Variants in SEMA6A observed in about 807,000 individuals in gnomAD.
SEMA6A encodes semaphorin-6A.
SEMA6A carries 25 observed loss-of-function variants against 96.8 expected under a neutral mutation model. The ratio of observed to expected loss-of-function variants is 0.26; its 90% CI spans 0.19 to 0.36. The LOEUF is 0.36. Among genes scored for constraint, SEMA6A ranks in the 10% least tolerant of loss-of-function variants. The pLI, the probability that SEMA6A is intolerant of heterozygous loss-of-function variation, is 1.00. For missense variants in SEMA6A, 1,363 were observed against 1,323.1 expected, an observed-to-expected ratio of 1.03 and a Z score of -0.47; for synonymous variants, 612 against 518.0, an observed-to-expected ratio of 1.18 and a Z score of -2.46.
intron 18 of SEMA6A, among the ~76,000 whole-genome samples, chr5:116,452,630 C>T (rs1227900970): frequency 6.6e-6 from 1 of 152,090 alleles, no homozygotes; most frequent in Non-Finnish European, 1.5e-5. Context: ...CCTATGATGA[C>T]CATGTTAATA....
intron 12 of SEMA6A, 151 bp downstream of exon 12, chr5:116,479,971 A>T: frequency 1.2e-6 from 1 of 854,846 alleles, no homozygotes; most frequent in Non-Finnish European, 1.8e-6. Flanking sequence ...GTTTAGTGGT[A>T]TCCAACCAAT....
At chr5:116,471,174 T>A (rs1303418795) in intron 17 of SEMA6A, 1 of 152,152 alleles carries the variant, frequency 6.6e-6, no homozygotes, top group African/African-American at 2.4e-5. Flanking sequence ...GAAAGAAAAA[T>A]TCCACCTCTT....
chr5:116,482,406 C>A, intron 11 of SEMA6A, 38 bp downstream of exon 11: 1 of 1,597,434 alleles, frequency 6.3e-7, no homozygotes, highest in African/African-American at 1.3e-5. Context: ...TTTGCCATTT[C>A]TAAAGTTTAA....
chr5:116,497,217 T>C (rs1757645829), intron 4 of SEMA6A, 110 bp downstream of exon 4: 8 of 636,130 alleles, frequency 1.3e-5, no homozygotes, highest in Non-Finnish European at 2.2e-5. Context: ...CATGTTGGCA[T>C]CTCTAAATTA....
chr5:116,562,481 C>G (rs542613288), intron 1 of SEMA6A: 2 of 427,506 alleles, frequency 4.7e-6, no homozygotes, highest in African/African-American at 4.1e-5. Flanking sequence ...TGTTCTAAAA[C>G]TCATGACACA....
intron 1 of SEMA6A, among the ~76,000 whole-genome samples, chr5:116,551,087 A>C (rs1760384031): frequency 6.6e-6 from 1 of 152,184 alleles, no homozygotes; most frequent in East Asian, 1.9e-4. Flanking sequence ...GAGACCTCAA[A>C]GATGAGTGGC....
chr5:116,457,324 A>T (rs747791038), intron 18 of SEMA6A, among the ~76,000 whole-genome samples: 6 of 152,190 alleles, frequency 3.9e-5, no homozygotes, highest in Non-Finnish European at 7.3e-5. Flanking sequence ...GTTAGGCATA[A>T]TGCAGTTTGC....
At chr5:116,498,210 G>A (rs1757697244) in intron 3 of SEMA6A, among the ~76,000 whole-genome samples, 1 of 152,126 alleles carries the variant, frequency 6.6e-6, no homozygotes, top group African/African-American at 2.4e-5. Context: ...GGGGGCTACT[G>A]AGGGAAAGCA....
At chr5:116,569,169 C>T (rs1761116404) in intron 1 of SEMA6A, among the ~76,000 whole-genome samples, 2 of 151,982 alleles carry the variant, frequency 1.3e-5, no homozygotes, top group South Asian at 2.1e-4. Flanking sequence ...ATAAGGACTG[C>T]CAAGAGGTGG....
rs559602281 is a variant in SEMA6A at position 116,474,658 on chromosome 5, T to C, written c.1708+887A>G. On this transcript the variant is annotated intron_variant, in intron 16 of 18. Transcript: ENST00000343348. ...TTAGAGTCTGAAATTTCAGTACTTATGACTGAAAGATTTAGAGTTATGTCC... is the reference window on the plus strand; with the variant it reads ...TTAGAGTCTGAAATTTCAGTACTTACGACTGAAAGATTTAGAGTTATGTCC... Among the ~76,000 whole-genome samples, 55 of 152,308 alleles carry C rather than the reference T, an allele frequency of 3.6e-4. No homozygotes were observed. In the Middle Eastern group the frequency reaches 0.017, roughly 47 times the overall value.
At position 116,482,500 on chromosome 5, in the gene SEMA6A, C is replaced by A; in HGVS notation, c.1038G>T (p.Gln346His). Residue 346 changes from glutamine (Q) to histidine (H), a missense_variant, in exon 11 of 19, where the codon CAG becomes CAT. By Grantham distance (24) the Gln-to-His change is conservative (BLOSUM62 0). Coordinates refer to ENST00000343348, the MANE Select transcript of SEMA6A (RefSeq NM_020796.5). ...ASVFTGRFKE[Q>H]KSPDSTWTPV... is the part of the protein sequence containing the mutation. ...GTGTCCAGGTGGAATCAGGAGACTT[C>A]TGTTCCTTGAATCTCCCAGTAAAAA... The A allele has an allele frequency of 6.2e-7, 1 of 1,613,598 alleles. No individual in the cohort carries two copies. The highest frequency in any genetic ancestry group is 8.5e-7 in the Non-Finnish European group (1 of 1,179,642).
chr5:116,493,081 C>T (rs989811119), intron 6 of SEMA6A, among the ~76,000 whole-genome samples: 3 of 152,168 alleles, frequency 2.0e-5, no homozygotes. Flanking sequence ...GAGGCCTGGG[C>T]TACTGGAGCA....
rs570687281 is a variant in SEMA6A at position 116,480,161 on chromosome 5, G to C, written c.1211C>G (p.Ser404Cys). The C allele has an allele frequency of 1.8e-5, 29 of 1,613,838 alleles. No individual in the cohort carries two copies. In the South Asian group the frequency reaches 3.0e-4, roughly 16 times the overall value. ...CAGGAACCATGGCCTGTTGAAGATG[G>C]AGGGCACTGCCTCATCCATGAGCGG... is the stretch of plus-strand genomic sequence containing the variant. The part of the protein sequence containing the change: ...THPLMDEAVP[S>C]IFNRPWFLRT... Residue 404 changes from serine (S) to cysteine (C), a missense_variant, in exon 12 of 19, where the codon TCC (serine) becomes TGC (cysteine). Physicochemically the swap from Ser to Cys is moderately radical, Grantham distance 112 (BLOSUM62 -1). This residue lies in a region of SEMA6A where 480 missense variants were observed against 559.5 expected (regional missense o/e 0.86). Transcript: ENST00000343348.
At position 116,502,342 on chromosome 5, in the gene SEMA6A, G is replaced by C. The variant is rs372204484; in HGVS notation, c.101-15C>G. 1 of 1,608,358 alleles carries C rather than the reference G, an allele frequency of 6.2e-7. No homozygotes were observed. The highest frequency in any genetic ancestry group is 8.5e-7 in the Non-Finnish European group (1 of 1,175,024). The stretch of plus-strand genomic sequence containing the variant: ...CTGTTTTGTATCTGTGAAAAGAGGA[G>C]ATGGGGCAAGAAAGGAAAAGCAAAT... On this transcript the variant is annotated splice_polypyrimidine_tract_variant and intron_variant, in intron 2 of 18. Transcript: ENST00000343348.
chr5:116,474,453 C>T (rs1335347475), intron 16 of SEMA6A, among the ~76,000 whole-genome samples: 1 of 152,120 alleles, frequency 6.6e-6, no homozygotes, highest in African/African-American at 2.4e-5. Context: ...TTCTCCTATG[C>T]TTATTTATTA....
At chr5:116,484,235 A>C (rs1561488245) in intron 10 of SEMA6A, among the ~76,000 whole-genome samples, 2 of 152,118 alleles carry the variant, frequency 1.3e-5, no homozygotes, top group African/African-American at 2.4e-5. Context: ...GATAAATACT[A>C]TTTGAAGTAT....
chr5:116,563,451 A>C (rs1315631214), intron 1 of SEMA6A, among the ~76,000 whole-genome samples: 2 of 152,216 alleles, frequency 1.3e-5, no homozygotes, highest in Non-Finnish European at 2.9e-5. Flanking sequence ...TGTGGTTTGC[A>C]TGGCAAGACA....
intron 8 of SEMA6A, 81 bp from the exon 9 acceptor site, chr5:116,488,277 T>G (rs902416103): frequency 1.3e-5 from 12 of 926,056 alleles, no homozygotes; most frequent in Non-Finnish European, 1.9e-5. Context: ...CAAAGACATG[T>G]TATTAATTAA....
At chr5:116,549,312 G>A (rs13355562) in intron 1 of SEMA6A, among the ~76,000 whole-genome samples, 1,601 of 152,212 alleles carry the variant, frequency 0.011, 26 homozygotes, top group African/African-American at 0.037. Flanking sequence ...TGGAGAGCTC[G>A]GCACTAGAAC....
Sources: allele counts gnomAD v4.1 joint callset (sites outside exome capture counted in the v4.1 genomes callset), GRCh38; gene constraint gnomAD v4.1.1; regional missense constraint gnomAD v4.1.1; transcripts MANE v1.5; gene names NCBI Gene and HGNC (gene_info 2026-07-23, HGNC 2026-07-21).